Variants in YAF2 observed in about 807,000 individuals in gnomAD.
The protein encoded by YAF2 is YY1-associated factor 2.
A neutral mutation model predicts 20.1 loss-of-function variants in YAF2; 7 were observed. The observed-to-expected ratio is 0.35, with a 90% CI of 0.20 to 0.65. The LOEUF (loss-of-function observed/expected upper bound fraction) is 0.65. Ranked by LOEUF, YAF2 falls within the 30% of genes least tolerant of loss-of-function variation. The pLI is 0.69. For synonymous variants in YAF2, 74 were observed against 76.0 expected, an observed-to-expected ratio of 0.97 and a Z score of 0.14; for missense variants, 151 against 219.2, an observed-to-expected ratio of 0.69 and a Z score of 1.96.
chr12:42,186,913 A>G (rs972539524), intron 2 of YAF2, among the ~76,000 whole-genome samples: 6 of 152,308 alleles, frequency 3.9e-5, no homozygotes, highest in Middle Eastern at 6.8e-3. Context: ...TATCTGAGCA[A>G]GCCATTGCTT....
At chr12:42,206,385 G>A (rs2067042147) in intron 2 of YAF2, among the ~76,000 whole-genome samples, 2 of 151,088 alleles carry the variant, frequency 1.3e-5, no homozygotes, top group Non-Finnish European at 2.9e-5. Flanking sequence ...GAGGCGGGCA[G>A]ATCACCTGAG....
chr12:42,234,756 G>C (rs1226169595), intron 2 of YAF2: 17 of 965,370 alleles, frequency 1.8e-5, no homozygotes, highest in Non-Finnish European at 2.1e-5. Context: ...GGGAGGCCAA[G>C]GTAGGAGGAT....
At chr12:42,226,494 T>C (rs926929318) in intron 2 of YAF2, among the ~76,000 whole-genome samples, 2 of 152,048 alleles carry the variant, frequency 1.3e-5, no homozygotes, top group African/African-American at 4.8e-5. Context: ...AGACACCCCC[T>C]CTCTACCAAA....
chr12:42,218,185 AAC>A (rs71883885), intron 2 of YAF2, among the ~76,000 whole-genome samples: 3,239 of 140,620 alleles, frequency 0.023, 68 homozygotes, highest in African/African-American at 0.063. Context: ...GCTACTAGGA[AAC>A]ACACACACAC....
At position 42,238,155 on chromosome 12, in the gene YAF2, C is replaced by T; in HGVS notation, c.26G>A (p.Arg9Lys). The T allele has an allele frequency of 6.5e-7, 1 of 1,546,012 alleles. No individual in the cohort carries two copies. Among genetic ancestry groups the T allele is most frequent in the Non-Finnish European group, 8.7e-7 (1 of 1,147,710 alleles). Residue 9 changes from arginine to lysine, a missense_variant and splice_region_variant, in exon 1 of 4, where the codon AGG becomes AAG. Coordinates refer to ENST00000534854, the MANE Select transcript of YAF2 (RefSeq NM_005748.6). ...GGCCCCGGGGCCCGGGCGCTGTTAC[C>T]TGGTGGGGCTCTTCTTGTCTCCCAT... MGDKKSPT[R>K]PKRQPKPSSD... is the part of the protein sequence containing the mutation.
chr12:42,204,911 T>C (rs925476536), intron 2 of YAF2, among the ~76,000 whole-genome samples: 1 of 152,142 alleles, frequency 6.6e-6, no homozygotes, highest in African/African-American at 2.4e-5. Context: ...TGCCTAAGGA[T>C]AGAGGGTTAG....
intron 2 of YAF2, among the ~76,000 whole-genome samples, chr12:42,162,754 G>T (rs2065826237): frequency 6.6e-6 from 1 of 152,052 alleles, no homozygotes; most frequent in African/African-American, 2.4e-5. Context: ...AAGAATTAAA[G>T]CTGCATGGCT....
chr12:42,161,444 T>C, intron 3 of YAF2, 169 bp downstream of exon 3: 1 of 623,398 alleles, frequency 1.6e-6, no homozygotes, highest in Non-Finnish European at 2.4e-6. Flanking sequence ...CTGGCTTCTG[T>C]GTTTAATTTC....
chr12:42,215,788 T>C (rs930980832), intron 2 of YAF2, among the ~76,000 whole-genome samples: 12 of 151,972 alleles, frequency 7.9e-5, no homozygotes, highest in Admixed American at 3.9e-4. Context: ...TAGCCAGGCA[T>C]GATTGCACCT....
intron 2 of YAF2, among the ~76,000 whole-genome samples, chr12:42,186,167 G>T (rs1354281306): frequency 1.6e-5 from 2 of 125,328 alleles, no homozygotes; most frequent in Non-Finnish European, 3.1e-5. Flanking sequence ...TCCAGCCTGG[G>T]CACCAGAGCC....
At chr12:42,219,705 C>T (rs893917938) in intron 2 of YAF2, among the ~76,000 whole-genome samples, 8 of 152,142 alleles carry the variant, frequency 5.3e-5, no homozygotes, top group African/African-American at 7.2e-5. Flanking sequence ...CCTCACACCC[C>T]GTCCACCTCA....
intron 2 of YAF2, among the ~76,000 whole-genome samples, chr12:42,196,343 A>C (rs1298792361): frequency 6.6e-6 from 1 of 152,160 alleles, no homozygotes; most frequent in African/African-American, 2.4e-5. Context: ...TGGGTGGCAA[A>C]TATGGCTGGG....
intron 2 of YAF2, among the ~76,000 whole-genome samples, chr12:42,175,031 T>A (rs145889173): frequency 2.5e-4 from 38 of 152,320 alleles, no homozygotes; most frequent in Admixed American, 5.2e-4. Flanking sequence ...TCAATATATG[T>A]ACTCAAAGAA....
At chr12:42,227,826 T>A (rs1428836427) in intron 2 of YAF2, among the ~76,000 whole-genome samples, 4 of 100,244 alleles carry the variant, frequency 4.0e-5, no homozygotes, top group Non-Finnish European at 6.0e-5. Flanking sequence ...TGGCCAGCCG[T>A]GCCGTCCGGG....
intron 2 of YAF2, among the ~76,000 whole-genome samples, chr12:42,192,392 C>A (rs892297518): frequency 6.6e-6 from 1 of 151,802 alleles, no homozygotes; most frequent in Non-Finnish European, 1.5e-5. Flanking sequence ...ACCTGTGAAC[C>A]CACCTACTCA....
chr12:42,193,618 C>T (rs2066673372), intron 2 of YAF2, among the ~76,000 whole-genome samples: 1 of 152,000 alleles, frequency 6.6e-6, no homozygotes, highest in African/African-American at 2.4e-5. Context: ...GTGATCCTCC[C>T]ACCTCAGCCT....
chr12:42,224,557 G>A (rs1000347459), intron 2 of YAF2, among the ~76,000 whole-genome samples: 1 of 151,586 alleles, frequency 6.6e-6, no homozygotes, highest in Non-Finnish European at 1.5e-5. Flanking sequence ...GCCCCCGTGT[G>A]TGATGTTCCC....
intron 1 of YAF2, 23 bp from the exon 2 acceptor site, chr12:42,237,747 G>A (rs756671941): frequency 5.3e-6 from 8 of 1,501,964 alleles, no homozygotes; most frequent in Admixed American, 4.3e-5. Flanking sequence ...ACCCGGACAC[G>A]ACGCGGCGCG....
At position 42,158,096 on chromosome 12, in the gene YAF2, C is replaced by G. The variant is rs537794521; in HGVS notation, c.*2493G>C. ...CTGAATCTTTCGCATATTTTAACGT[C>G]AGTTCTGTTTATGGAATTTGGGTCT... On this transcript the variant is annotated 3_prime_UTR_variant, in exon 4 of 4. Transcript: ENST00000534854. 90 of 152,296 alleles carry G rather than the reference C, an allele frequency of 5.9e-4. No homozygotes were observed. The highest frequency in any genetic ancestry group is 2.1e-3 in the African/African-American group (87 of 41,556). The allele number at this position is 152,296 out of a possible 1,614,324, so 9.4% of individuals were successfully genotyped here.
Sources: allele counts gnomAD v4.1 joint callset (sites outside exome capture counted in the v4.1 genomes callset), GRCh38; gene constraint gnomAD v4.1.1; transcripts MANE v1.5; gene names NCBI Gene and HGNC (gene_info 2026-07-23, HGNC 2026-07-21).